RBMS3: variants seen among roughly 807,000 people sequenced by gnomAD.
RBMS3 encodes the protein RNA-binding motif, single-stranded-interacting protein 3.
Under a neutral mutation model 66.8 loss-of-function variants are expected in RBMS3, and 27 were observed. The ratio of observed to expected loss-of-function variants is 0.40; its 90% CI spans 0.30 to 0.56. RBMS3 has a LOEUF of 0.56. Among genes scored for constraint, RBMS3 ranks in the 20% least tolerant of loss-of-function variants. The probability of loss-of-function intolerance (pLI) is 0.40; values close to 1 mark genes in which losing one functional copy is unlikely to be tolerated. For missense variants in RBMS3, 513 were observed against 549.5 expected (o/e 0.93, Z 0.66); for synonymous variants, 188 against 183.0 (o/e 1.03, Z -0.22).
intron 2 of RBMS3, among the ~76,000 whole-genome samples, chr3:29,455,059 T>C (rs955648551): frequency 9.2e-5 from 14 of 152,192 alleles, no homozygotes; most frequent in Admixed American, 7.9e-4. Flanking sequence ...TCCCTATCTA[T>C]CTGTTGAACA....
At chr3:29,860,049 A>G (rs2059175665) in intron 6 of RBMS3, among the ~76,000 whole-genome samples, 1 of 152,224 alleles carries the variant, frequency 6.6e-6, no homozygotes, top group African/African-American at 2.4e-5. Context: ...CAAACAAAAT[A>G]GTGTTTTGGG....
chr3:29,908,415 A>C (rs1274737848), intron 10 of RBMS3, among the ~76,000 whole-genome samples: 2 of 152,146 alleles, frequency 1.3e-5, no homozygotes, highest in Non-Finnish European at 2.9e-5. Context: ...TTGCTCCATG[A>C]CTAGTTGTTG....
Position 30,009,070 on chromosome 3 carries a change from A to G in RBMS3, c.*5208A>G, listed in dbSNP as rs982616452. On this transcript the variant is annotated 3_prime_UTR_variant, in exon 15 of 15. Transcript: ENST00000383767. ...TAATATATCAAGAAAATTTTCTTCC[A>G]CTTAGAAAGCTTTAAAGCTGAAGTA... is the stretch of plus-strand genomic sequence containing the variant. The G allele has an allele frequency of 6.6e-5, 10 of 152,124 alleles. No individual in the cohort carries two copies. The highest frequency in any genetic ancestry group is 1.5e-4 in the Non-Finnish European group (10 of 67,976). 9.4% of individuals were successfully genotyped at this position (152,124 alleles called of 1,614,324 possible).
At chr3:29,825,327 G>A (rs1198604857) in intron 6 of RBMS3, among the ~76,000 whole-genome samples, 1 of 152,062 alleles carries the variant, frequency 6.6e-6, no homozygotes, top group East Asian at 1.9e-4. Context: ...GTGAGCCACT[G>A]TGCCCAGCAG....
intron 4 of RBMS3, among the ~76,000 whole-genome samples, chr3:29,723,101 G>A (rs1238812657): frequency 6.6e-6 from 1 of 151,912 alleles, no homozygotes; most frequent in African/African-American, 2.4e-5. Context: ...TCATCCTCCT[G>A]AATGGCTGGG....
At chr3:29,900,984 A>G (rs954892777) in intron 10 of RBMS3, among the ~76,000 whole-genome samples, 2 of 151,776 alleles carry the variant, frequency 1.3e-5, no homozygotes, top group African/African-American at 4.8e-5. Context: ...TTAAATAAGG[A>G]ACTTTTCATG....
intron 4 of RBMS3, among the ~76,000 whole-genome samples, chr3:29,726,464 T>C (rs1484949485): frequency 6.6e-6 from 1 of 152,170 alleles, no homozygotes; most frequent in Non-Finnish European, 1.5e-5. Flanking sequence ...AAAACACCAT[T>C]GTCTCAGCGC....
At position 29,365,264 on chromosome 3, in the gene RBMS3, T is replaced by G. The variant is rs1292247141; in HGVS notation, c.76-69479T>G. On this transcript the variant is annotated intron_variant, in intron 1 of 14. Coordinates refer to ENST00000383767, the MANE Select transcript of RBMS3 (RefSeq NM_001003793.3). The stretch of plus-strand genomic sequence containing the variant: ...GGAAAGCCTTCAGAAAGCAATAACA[T>G]AAATTTAACATTAAGCTGTGCCTTT... Among the ~76,000 whole-genome samples, 4 of 152,170 alleles carry G rather than the reference T, an allele frequency of 2.6e-5. No homozygotes were observed. The East Asian group carries it at 5.8e-4, about 22-fold the overall frequency.
intron 12 of RBMS3, among the ~76,000 whole-genome samples, chr3:29,965,109 C>T (rs181307239): frequency 4.5e-4 from 68 of 152,046 alleles, no homozygotes; most frequent in African/African-American, 1.5e-3. Flanking sequence ...TTTTTTTATC[C>T]GCTTTGTTGA....
chr3:29,401,780 T>A (rs1423017170), intron 1 of RBMS3, among the ~76,000 whole-genome samples: 1 of 152,078 alleles, frequency 6.6e-6, no homozygotes, highest in Non-Finnish European at 1.5e-5. Context: ...ACAGGGAAGT[T>A]CCCTTTGCAG....
intron 3 of RBMS3, among the ~76,000 whole-genome samples, chr3:29,532,768 T>C (rs1339997567): frequency 6.6e-6 from 1 of 152,078 alleles, no homozygotes; most frequent in East Asian, 1.9e-4. Context: ...CCTGATTCTT[T>C]AAGAAGTTAA....
At chr3:29,317,736 T>G (rs2125482470) in intron 1 of RBMS3, among the ~76,000 whole-genome samples, 1 of 151,944 alleles carries the variant, frequency 6.6e-6, no homozygotes, top group South Asian at 2.1e-4. Flanking sequence ...AATACAGTAA[T>G]GTCACATCAT....
intron 2 of RBMS3, among the ~76,000 whole-genome samples, chr3:29,459,395 A>T (rs1332858344): frequency 6.6e-6 from 1 of 152,190 alleles, no homozygotes; most frequent in Non-Finnish European, 1.5e-5. Flanking sequence ...TCCCTTTGTC[A>T]GCTGAATAAT....
In RBMS3 at chr3:29,767,450, G is replaced by T. The variant is rs73831014; in HGVS notation, c.637+4461G>T. 1.1e-3 allele frequency: 169 copies of T among 151,604 alleles called. 1 individual carries two copies. The highest frequency in any genetic ancestry group is 4.0e-3 in the African/African-American group (167 of 41,402). 9.4% of individuals were successfully genotyped at this position (151,604 alleles called of 1,614,324 possible). A position where few individuals can be genotyped will look rare whatever the true frequency, so the allele number is the denominator to read the frequency against. The stretch of plus-strand genomic sequence containing the variant: ...GAACTCTAAGAAGTAAGGAAAATTT[G>T]AGAGAAAGCCTACCACATTATGGGA... On this transcript the variant is annotated intron_variant, in intron 6 of 14. Coordinates refer to ENST00000383767, the MANE Select transcript of RBMS3 (RefSeq NM_001003793.3).
At chr3:29,337,136 C>T (rs1390815662) in intron 1 of RBMS3, among the ~76,000 whole-genome samples, 1 of 152,028 alleles carries the variant, frequency 6.6e-6, no homozygotes, top group Admixed American at 6.6e-5. Context: ...GATGATTTCA[C>T]TTTAAAGTTG....
At chr3:29,864,318 G>A (rs1422573245) in intron 6 of RBMS3, among the ~76,000 whole-genome samples, 1 of 152,120 alleles carries the variant, frequency 6.6e-6, no homozygotes, top group African/African-American at 2.4e-5. Context: ...GGAGGTTAAC[G>A]CAGATAATAA....
chr3:29,497,973 A>ACTTTTTTTT (rs2043818679), intron 3 of RBMS3, among the ~76,000 whole-genome samples: 1 of 43,416 alleles, frequency 2.3e-5, no homozygotes, highest in African/African-American at 9.9e-5. Context: ...AAAAGTATTC[A>ACTTTTTTTT]TTTTTTTTTT....
intron 6 of RBMS3, among the ~76,000 whole-genome samples, chr3:29,825,352 TGTG>T (rs1386002904): frequency 1.3e-5 from 2 of 152,106 alleles, no homozygotes; most frequent in African/African-American, 4.8e-5. Flanking sequence ...TCATTTTTTA[TGTG>T]TTGTACATGA....
intron 6 of RBMS3, among the ~76,000 whole-genome samples, chr3:29,827,739 A>G (rs915647325): frequency 6.6e-6 from 1 of 152,188 alleles, no homozygotes; most frequent in Non-Finnish European, 1.5e-5. Context: ...AGCAGGAACA[A>G]GTAAGTTACC....
Sources: gnomAD v4.1 joint callset for allele counts (sites outside exome capture counted in the v4.1 genomes callset) on GRCh38, gnomAD v4.1.1 for gene constraint, MANE v1.5 for transcripts, NCBI Gene and HGNC (gene_info 2026-07-23, HGNC 2026-07-21) for gene names.